The following AGFG1 variants were observed in gnomAD, a reference collection of about 807,000 sequenced individuals.
AGFG1 encodes arf-GAP domain and FG repeat-containing protein 1.
A neutral mutation model predicts 60.6 loss-of-function variants in AGFG1; 10 were observed. The observed-to-expected ratio is 0.16, with a 90% confidence interval of 0.10 to 0.28. The LOEUF (loss-of-function observed/expected upper bound fraction) is 0.28, where lower values mean the gene tolerates loss of function less well. Ranked by LOEUF, AGFG1 falls within the 10% of genes least tolerant of loss-of-function variation. The pLI is 1.00. For synonymous variants in AGFG1, 247 were observed against 242.9 expected (o/e 1.02, Z -0.16); for missense variants, 537 against 676.5 (o/e 0.79, Z 2.29).
intron 2 of AGFG1, among the ~76,000 whole-genome samples, chr2:227,516,580 A>G (rs563830014): frequency 6.6e-6 from 1 of 152,310 alleles, no homozygotes; most frequent in South Asian, 2.1e-4. Context: ...GAGAGCAGGA[A>G]CAGAACCACA....
In AGFG1 at chr2:227,524,858, C is replaced by A; in HGVS notation, c.637C>A (p.Pro213Thr). Reference sequence around the variant, plus strand: ...CTCAGACATCTTTGCTGCTCCAGCTCCTCAGTCAACAGCTACAGCCAATTT... The same window carrying A: ...CTCAGACATCTTTGCTGCTCCAGCTACTCAGTCAACAGCTACAGCCAATTT... ...LGSDIFAAPA[P>T]QSTATANFAN... The change falls in exon 5 of 13, where the codon CCT (proline) becomes ACT (threonine). Residue 213 changes from proline to threonine, a missense_variant. Pro to Thr is a conservative substitution (Grantham distance 38). Transcript: ENST00000310078. The A allele has an allele frequency of 1.2e-6, 2 of 1,614,130 alleles. No homozygotes were observed. Among genetic ancestry groups the A allele is most frequent in the Non-Finnish European group, 8.5e-7 (1 of 1,179,992 alleles).
rs879753029 is a variant in AGFG1, at chr2:227,558,574, A to C, written c.*4079A>C. The C allele has an allele frequency of 6.6e-6, 1 of 152,084 alleles. No homozygotes were observed. Among genetic ancestry groups the C allele is most frequent in the African/African-American group, 2.4e-5 (1 of 41,402 alleles). The allele number at this position is 152,084 out of a possible 1,614,324, so 9.4% of individuals were successfully genotyped here. A position where few individuals can be genotyped will look rare whatever the true frequency, so the allele number is the denominator to read the frequency against. On this transcript the variant is annotated 3_prime_UTR_variant, in exon 13 of 13. Transcript: ENST00000310078. Reference sequence around the variant, plus strand: ...TTTAAAAGGTGATATTAAAATTTGTATTTAACCTGTTGTATTCATCCTCAT... The same window carrying C: ...TTTAAAAGGTGATATTAAAATTTGTCTTTAACCTGTTGTATTCATCCTCAT...
chr2:227,479,310 C>G (rs1428238381), intron 1 of AGFG1, among the ~76,000 whole-genome samples: 2 of 152,172 alleles, frequency 1.3e-5, no homozygotes, highest in Non-Finnish European at 2.9e-5. Flanking sequence ...GTTCCCTATT[C>G]ATTCATCCAT....
chr2:227,501,590 A>C (rs547160001), intron 2 of AGFG1, among the ~76,000 whole-genome samples: 44 of 152,120 alleles, frequency 2.9e-4, no homozygotes, highest in Non-Finnish European at 5.3e-4. Flanking sequence ...TCCTTCCCTG[A>C]ATTTTTTGAG....
chr2:227,536,827 A>C (rs1292684971), intron 9 of AGFG1, 74 bp from the exon 10 acceptor site: 2 of 1,538,924 alleles, frequency 1.3e-6, no homozygotes, highest in African/African-American at 2.8e-5. Flanking sequence ...GTCTTGATAA[A>C]TATAGTGAAA....
chr2:227,552,139 G>A (rs1306448968), intron 11 of AGFG1, 22 bp downstream of exon 11: 1 of 1,613,666 alleles, frequency 6.2e-7, no homozygotes. Flanking sequence ...CATTTGGCGA[G>A]CTGTAAGTTC....
At chr2:227,488,197 T>A (rs992315482) in intron 1 of AGFG1, among the ~76,000 whole-genome samples, 2 of 152,258 alleles carry the variant, frequency 1.3e-5, no homozygotes, top group African/African-American at 4.8e-5. Context: ...CTGGTTGTAC[T>A]TGTTTCATAA....
At chr2:227,534,762 C>A in intron 7 of AGFG1, 83 bp from the exon 8 acceptor site, 1 of 1,421,546 alleles carries the variant, frequency 7.0e-7, no homozygotes, top group Non-Finnish European at 9.7e-7. Flanking sequence ...TTTAAGTTTA[C>A]CTGTGTTTCA....
intron 2 of AGFG1, among the ~76,000 whole-genome samples, chr2:227,494,788 CA>C (rs1690927837): frequency 6.6e-6 from 1 of 152,036 alleles, no homozygotes; most frequent in African/African-American, 2.4e-5. Flanking sequence ...ATCCTATTGC[CA>C]AAGAAAGTCA....
intron 2 of AGFG1, among the ~76,000 whole-genome samples, chr2:227,497,735 G>GTTTTTTTTTTTTTTTTTTTTTTTTTTTTT (rs869114764): frequency 3.6e-5 from 1 of 28,016 alleles, no homozygotes; most frequent in Non-Finnish European, 7.1e-5. Flanking sequence ...TTCTTGTTTT[G>GTTTTTTTTTTTTTTTTTTTTTTTTTTTTT]TTTTTTTTTT....
intron 10 of AGFG1, among the ~76,000 whole-genome samples, chr2:227,540,882 A>T (rs889479130): frequency 4.6e-5 from 7 of 152,048 alleles, no homozygotes; most frequent in Admixed American, 2.6e-4. Flanking sequence ...TTTAATGATC[A>T]CCATTCTAAC....
chr2:227,472,639 G>T, intron 1 of AGFG1, 51 bp downstream of exon 1: 1 of 1,530,600 alleles, frequency 6.5e-7, no homozygotes, highest in Non-Finnish European at 8.8e-7. Context: ...GGAGGTGGGG[G>T]AGCGGGCGGC....
At chr2:227,530,650 GTAT>G (rs1258453856) in intron 5 of AGFG1, among the ~76,000 whole-genome samples, 1 of 151,316 alleles carries the variant, frequency 6.6e-6, no homozygotes, top group Non-Finnish European at 1.5e-5. Flanking sequence ...AACCATTTTT[GTAT>G]TATTATTTTA....
At chr2:227,498,316 T>G (rs1691045119) in intron 2 of AGFG1, among the ~76,000 whole-genome samples, 1 of 152,160 alleles carries the variant, frequency 6.6e-6, no homozygotes, top group South Asian at 2.1e-4. Flanking sequence ...TTTCAGTCAG[T>G]ATGATGGTAT....
chr2:227,529,142 A>G (rs1217831077), intron 5 of AGFG1, among the ~76,000 whole-genome samples: 1 of 152,004 alleles, frequency 6.6e-6, no homozygotes, highest in East Asian at 1.9e-4. Flanking sequence ...TTACTCATTT[A>G]TTTTTCCTTC....
chr2:227,500,953 C>G (rs7562514), intron 2 of AGFG1, among the ~76,000 whole-genome samples: 1 of 151,898 alleles, frequency 6.6e-6, no homozygotes, highest in Non-Finnish European at 1.5e-5. Flanking sequence ...CCACCACGCC[C>G]AGCTAATTTT....
intron 4 of AGFG1, 132 bp downstream of exon 4, chr2:227,524,057 A>G (rs1365734990): frequency 5.4e-6 from 5 of 926,926 alleles, no homozygotes; most frequent in African/African-American, 1.7e-5. Context: ...TTTGTTATAC[A>G]TTAAGAAATT....
In AGFG1 at chr2:227,534,998, C is replaced by T. The variant is rs142955065; in HGVS notation, c.1178C>T (p.Ala393Val). ...VFSSAATSSN[A>V]YTSTSNASSN... ...AGTTCTGCAGCCACCTCCAGTAATGCGTATACTTCCACAAGTAATGCTAGC... is the reference window on the plus strand; with the variant it reads ...AGTTCTGCAGCCACCTCCAGTAATGTGTATACTTCCACAAGTAATGCTAGC... Residue 393 changes from alanine to valine, a missense_variant, in exon 8 of 13, where the codon GCG (alanine) becomes GTG (valine). Physicochemically the swap from Ala to Val is moderately conservative, Grantham distance 64. Around this residue, in one of 4 missense-constraint regions of AGFG1, gnomAD observed 287 missense variants for 343.6 expected, o/e 0.84. Coordinates refer to ENST00000310078, the MANE Select transcript of AGFG1 (RefSeq NM_004504.5). The T allele has an allele frequency of 9.4e-5, 151 of 1,613,062 alleles. No homozygotes were observed. Among genetic ancestry groups the T allele is most frequent in the Non-Finnish European group, 1.2e-4 (140 of 1,179,520 alleles).
chr2:227,502,497 A>G (rs1025184955), intron 2 of AGFG1, among the ~76,000 whole-genome samples: 2 of 151,660 alleles, frequency 1.3e-5, no homozygotes, highest in Non-Finnish European at 2.9e-5. Flanking sequence ...ATTTTTTGTA[A>G]TTTAGTAGAG....
Sources: gnomAD v4.1 joint callset for allele counts (sites outside exome capture counted in the v4.1 genomes callset) on GRCh38, gnomAD v4.1.1 for gene constraint, gnomAD v4.1.1 regional missense constraint, MANE v1.5 for transcripts, NCBI Gene and HGNC (gene_info 2026-07-23, HGNC 2026-07-21) for gene names.